WLS: variants seen among roughly 807,000 people sequenced by gnomAD.
The protein encoded by WLS is protein wntless homolog.
In WLS, 23 loss-of-function variants were observed where a neutral mutation model predicts 62.8. The observed-to-expected ratio is 0.37, with a 90% CI of 0.26 to 0.52. The LOEUF is 0.52. WLS is among the 20% of genes least tolerant of loss of function. WLS has a pLI of 0.92. For synonymous variants in WLS, 246 were observed against 244.1 expected (o/e 1.01, Z -0.07); for missense variants, 615 against 697.3 (o/e 0.88, Z 1.33).
intron 2 of WLS, among the ~76,000 whole-genome samples, chr1:68,169,511 CCA>C (rs1326652940): frequency 6.6e-6 from 1 of 152,214 alleles, no homozygotes; most frequent in Non-Finnish European, 1.5e-5. Context: ...CCTCTCCAGT[CCA>C]GATTTCCCTC....
At chr1:68,181,515 T>C (rs1647567935) in intron 2 of WLS, among the ~76,000 whole-genome samples, 1 of 152,190 alleles carries the variant, frequency 6.6e-6, no homozygotes, top group African/African-American at 2.4e-5. Flanking sequence ...CCTGAAATAC[T>C]GATTGGGAGA....
chr1:68,205,027 T>G (rs1649224683), intron 1 of WLS, among the ~76,000 whole-genome samples: 1 of 152,232 alleles, frequency 6.6e-6, no homozygotes, highest in South Asian at 2.1e-4. Flanking sequence ...TAATGTAAGT[T>G]ATGCTCAATG....
At chr1:68,221,973 C>G (rs757320051) in intron 1 of WLS, among the ~76,000 whole-genome samples, 1 of 152,036 alleles carries the variant, frequency 6.6e-6, no homozygotes, top group Admixed American at 6.6e-5. Flanking sequence ...ATGGCAGAGA[C>G]GAAGAATGAG....
At chr1:68,162,896 C>A (rs151181896) in intron 2 of WLS, 2 of 1,552,624 alleles carry the variant, frequency 1.3e-6, no homozygotes, top group South Asian at 2.2e-5. Flanking sequence ...GGATTTCCTG[C>A]GTGGACTGCG....
chr1:68,123,250 C>T (rs1646385374), downstream of WLS, among the ~76,000 whole-genome samples: 1 of 152,216 alleles, frequency 6.6e-6, no homozygotes, highest in Non-Finnish European at 1.5e-5. Context: ...ATCCAAACCA[C>T]CAAATCCAAG....
chr1:68,227,060 C>T (rs1464912531), intron 1 of WLS, among the ~76,000 whole-genome samples: 1 of 152,054 alleles, frequency 6.6e-6, no homozygotes, highest in African/African-American at 2.4e-5. Context: ...AGGGAAAGTT[C>T]GAATAGAAGT....
chr1:68,105,598 T>C (rs970871163), intron 11 of WLS, among the ~76,000 whole-genome samples: 9 of 152,120 alleles, frequency 5.9e-5, no homozygotes, highest in Non-Finnish European at 8.8e-5. Flanking sequence ...AAAACCCAAA[T>C]GAAAAAGGCA....
chr1:68,193,732 G>A (rs1194805336), intron 2 of WLS: 1 of 551,462 alleles, frequency 1.8e-6, no homozygotes, highest in Non-Finnish European at 3.1e-6. Flanking sequence ...TGGTGCCCAA[G>A]TGTTCCATCT....
chr1:68,201,955 T>C (rs994139407), intron 1 of WLS: 11 of 152,368 alleles, frequency 7.2e-5, no homozygotes, highest in South Asian at 4.1e-4. Context: ...AAATATCATA[T>C]GTTTACATTT....
At position 68,155,138 on chromosome 1, in the gene WLS, G is replaced by A. The variant is rs771583417; in HGVS notation, c.627C>T (p.Ile209=). ...CCTTTATCTCCCCAATTCCCACATTGATTTTCTTCTTCTCATTCACAGGCA... is the reference window on the plus strand; with the variant it reads ...CCTTTATCTCCCCAATTCCCACATTAATTTTCTTCTTCTCATTCACAGGCA... ...IRLPVNEKKK[I]NVGIGEIKDI... is the part of the protein sequence containing the mutation. The change falls in exon 4 of 12, where the codon ATC becomes ATT. Residue 209 remains isoleucine, a synonymous_variant. Transcript: ENST00000262348. 5 of 1,613,932 alleles carry A rather than the reference G, an allele frequency of 3.1e-6. No individual in the cohort carries two copies. The South Asian group carries it at 5.5e-5, about 18-fold the overall frequency.
intron 11 of WLS, among the ~76,000 whole-genome samples, chr1:68,120,043 A>AT (rs1489607667): frequency 4.6e-5 from 7 of 150,732 alleles, no homozygotes; most frequent in Non-Finnish European, 7.4e-5. Flanking sequence ...GATAAATGAA[A>AT]TTAATAAACC....
At chr1:68,217,269 G>C (rs1649767789) in intron 1 of WLS, among the ~76,000 whole-genome samples, 1 of 152,126 alleles carries the variant, frequency 6.6e-6, no homozygotes, top group South Asian at 2.1e-4. Context: ...CTTGAAGCCT[G>C]GTGACCTCAT....
chr1:68,196,870 T>C (rs991766088), intron 1 of WLS, among the ~76,000 whole-genome samples: 18 of 152,130 alleles, frequency 1.2e-4, no homozygotes, highest in African/African-American at 4.3e-4. Context: ...AATCAAACTT[T>C]GGTTATCCTG....
chr1:68,199,417 A>G (rs1407527998), intron 1 of WLS, among the ~76,000 whole-genome samples: 1 of 152,186 alleles, frequency 6.6e-6, no homozygotes, highest in African/African-American at 2.4e-5. Flanking sequence ...GGCAGGGCTT[A>G]GCCTTGGAAG....
At chr1:68,213,000 GATAGGTA>G (rs1649576543) in intron 1 of WLS, among the ~76,000 whole-genome samples, 1 of 152,194 alleles carries the variant, frequency 6.6e-6, no homozygotes, top group African/African-American at 2.4e-5. Flanking sequence ...AATTTCTAAT[GATAGGTA>G]ACCTAACATG....
At chr1:68,214,114 C>A (rs1050329205) in intron 1 of WLS, among the ~76,000 whole-genome samples, 3 of 151,962 alleles carry the variant, frequency 2.0e-5, no homozygotes, top group African/African-American at 7.3e-5. Flanking sequence ...AGCCAGCAGC[C>A]TGGCCAAGTT....
intron 11 of WLS, among the ~76,000 whole-genome samples, chr1:68,135,562 A>G (rs1529594): frequency 0.053 from 8,076 of 152,260 alleles, 394 homozygotes; most frequent in African/African-American, 0.13. Flanking sequence ...AAAAACAACC[A>G]AAAGAATTTA....
intron 2 of WLS, chr1:68,186,695 G>A (rs1329593700): frequency 2.2e-6 from 1 of 455,800 alleles, no homozygotes; most frequent in South Asian, 1.6e-5. Context: ...ATAAAAAGTA[G>A]AGAGTCTCAT....
chr1:68,222,476 A>C (rs1385154978), intron 1 of WLS, among the ~76,000 whole-genome samples: 1 of 152,212 alleles, frequency 6.6e-6, no homozygotes, highest in Non-Finnish European at 1.5e-5. Context: ...CAGAAAAATC[A>C]ATCGAGCTAT....
Sources: gnomAD v4.1 joint callset for allele counts (sites outside exome capture counted in the v4.1 genomes callset) on GRCh38, gnomAD v4.1.1 for gene constraint, MANE v1.5 for transcripts, NCBI Gene and HGNC (gene_info 2026-07-23, HGNC 2026-07-21) for gene names.